ZFR2: variants seen among roughly 807,000 people sequenced by gnomAD.
ZFR2 encodes zinc finger RNA binding protein 2, also known as zinc finger RNA-binding protein 2.
In ZFR2, 104 loss-of-function variants were observed where a neutral mutation model predicts 105.7. The ratio of observed to expected loss-of-function variants is 0.98; its 90% CI spans 0.84 to 1.16. The LOEUF is 1.16. Ranked by LOEUF, ZFR2 falls within the 50% of genes most tolerant of loss-of-function variation. ZFR2 has a pLI of 0.00. For missense variants in ZFR2, 1,425 were observed against 1,355.5 expected, an observed-to-expected ratio of 1.05 and a Z score of -0.80; for synonymous variants, 634 against 597.7, an observed-to-expected ratio of 1.06 and a Z score of -0.89.
At chr19:3,864,550 G>T (rs569342863) in intron 1 of ZFR2, among the ~76,000 whole-genome samples, 1 of 152,326 alleles carries the variant, frequency 6.6e-6, no homozygotes, top group South Asian at 2.1e-4. Flanking sequence ...CAAAGAGAAA[G>T]GTAACGGCAG....
At chr19:3,832,960 A>G (rs1260167682) in intron 3 of ZFR2, among the ~76,000 whole-genome samples, 2 of 149,664 alleles carry the variant, frequency 1.3e-5, no homozygotes, top group African/African-American at 4.9e-5. Flanking sequence ...TTAACATGTA[A>G]CTTTCACGGG....
chr19:3,835,295 T>C (rs1191882516), intron 1 of ZFR2, among the ~76,000 whole-genome samples: 3 of 152,076 alleles, frequency 2.0e-5, no homozygotes, highest in Non-Finnish European at 4.4e-5. Context: ...GGCAGGGCTT[T>C]TTCTCCATGT....
At chr19:3,866,221 A>G (rs994644681) in intron 1 of ZFR2, among the ~76,000 whole-genome samples, 1 of 152,240 alleles carries the variant, frequency 6.6e-6, no homozygotes, top group Non-Finnish European at 1.5e-5. Context: ...GTTAACCTAA[A>G]GTCATTCAAA....
Position 3,808,534 on chromosome 19 carries a change from G to A in ZFR2, c.2545+338C>T, listed in dbSNP as rs537388647. On this transcript the variant is annotated intron_variant, in intron 17 of 18. Transcript: ENST00000262961. The stretch of plus-strand genomic sequence containing the variant: ...GGATAATCTTTGGAGGACAGGCACC[G>A]GGGTGGATTTGTGCCAGAGTGGCTC... 2.8e-4 allele frequency among the ~76,000 whole-genome samples: 42 copies of A among 152,388 alleles called. 1 individual carries two copies. In the South Asian group the frequency reaches 6.4e-3, roughly 23 times the overall value.
chr19:3,816,526 G>C lies in ZFR2; in HGVS notation c.2103+148C>G. ...CTCCCTAAGTGCTGGGATTACGGACGTGAGCCACTGCGCCTGGCTTAATGC... is the reference window on the plus strand; with the variant it reads ...CTCCCTAAGTGCTGGGATTACGGACCTGAGCCACTGCGCCTGGCTTAATGC... On this transcript the variant is annotated intron_variant, in intron 13 of 18. Coordinates refer to ENST00000262961, the MANE Select transcript of ZFR2 (RefSeq NM_015174.2). 5 of 1,268,626 alleles carry C rather than the reference G, an allele frequency of 3.9e-6. No individual in the cohort carries two copies. The South Asian group carries it at 8.8e-5, about 22-fold the overall frequency. The allele number at this position is 1,268,626 out of a possible 1,614,324, so 78.6% of individuals were successfully genotyped here. A position where few individuals can be genotyped will look rare whatever the true frequency, so the allele number is the denominator to read the frequency against.
Position 3,810,791 on chromosome 19 carries a change from G to A in ZFR2, c.2392C>T (p.Leu798Phe), listed in dbSNP as rs1485112564. 1 of 1,550,352 alleles carries A rather than the reference G, an allele frequency of 6.5e-7. No individual in the cohort carries two copies. Among genetic ancestry groups the A allele is most frequent in the Non-Finnish European group, 8.7e-7 (1 of 1,146,810 alleles). Residue 798 changes from leucine to phenylalanine, a missense_variant, in exon 16 of 19, where the codon CTC becomes TTC. By Grantham distance (22) the Leu-to-Phe change is conservative (BLOSUM62 0). Transcript: ENST00000262961. The part of the protein sequence containing the change: ...CVIVIRVLRD[L>F]CRRVPTWGAL... ...CCCCAGGTGGGCACACGCCGGCAGA[G>A]GTCCCTCAGGACCCTGATGACGATC...
chr19:3,817,362 C>T (rs1187007827), intron 12 of ZFR2, among the ~76,000 whole-genome samples: 1 of 151,858 alleles, frequency 6.6e-6, no homozygotes, highest in Non-Finnish European at 1.5e-5. Context: ...AGTTTGAGAC[C>T]AGCCTGACCA....
chr19:3,807,799 T>C (rs2037715811), intron 17 of ZFR2, among the ~76,000 whole-genome samples: 1 of 150,090 alleles, frequency 6.7e-6, no homozygotes, highest in African/African-American at 2.5e-5. Context: ...CGCCTGTGTG[T>C]GCAAGCATGT....
chr19:3,844,489 T>C (rs1162926298), intron 1 of ZFR2, among the ~76,000 whole-genome samples: 1 of 152,020 alleles, frequency 6.6e-6, no homozygotes, highest in Non-Finnish European at 1.5e-5. Context: ...TGTCTCGGCC[T>C]CCGGAGTATC....
At chr19:3,807,561 G>A (rs1455842413) in intron 17 of ZFR2, among the ~76,000 whole-genome samples, 1 of 152,146 alleles carries the variant, frequency 6.6e-6, no homozygotes, top group African/African-American at 2.4e-5. Context: ...GCTGACGTGT[G>A]TGTCCATGCG....
chr19:3,814,267 A>G (rs2037802605), intron 13 of ZFR2, among the ~76,000 whole-genome samples: 1 of 152,234 alleles, frequency 6.6e-6, no homozygotes, highest in Non-Finnish European at 1.5e-5. Flanking sequence ...AAAATTGGTG[A>G]GTGAAATAAC....
chr19:3,854,083 C>CA (rs1222754957), intron 1 of ZFR2, among the ~76,000 whole-genome samples: 5 of 146,006 alleles, frequency 3.4e-5, no homozygotes, highest in Non-Finnish European at 7.5e-5. Context: ...GACCCTGTCT[C>CA]AAAAAAACCA....
chr19:3,821,351 GT>G lies in ZFR2; in HGVS notation c.1619del (p.His540ProfsTer114). On this transcript the variant is annotated frameshift_variant, in exon 10 of 19. Coordinates refer to ENST00000262961, the MANE Select transcript of ZFR2 (RefSeq NM_015174.2). LOFTEE classifies it high-confidence loss of function. The part of the protein sequence containing the change: ...EERLEQLRRW[H>X]AERRRLEEEP... ...CCGCAGCCGGGCACCTCCTCTCCGCGTGCCAGCGCCGCAGCTGCTCCAGCCG... is the reference window on the plus strand; with the variant it reads ...CCGCAGCCGGGCACCTCCTCTCCGCGGCCAGCGCCGCAGCTGCTCCAGCCG... 6.3e-7 allele frequency: 1 copy of G among 1,598,754 alleles called. No individual in the cohort carries two copies. Among genetic ancestry groups the G allele is most frequent in the Non-Finnish European group, 8.5e-7 (1 of 1,174,510 alleles).
Position 3,822,280 on chromosome 19 carries a change from G to A in ZFR2, c.1372-80C>T, listed in dbSNP as rs370874040. Reference sequence around the variant, plus strand: ...GATGCTACCGCTGCCAGGTCGCGGCGGAGCCTTCCTCCTTGCTGCTCATTT... The same window carrying A: ...GATGCTACCGCTGCCAGGTCGCGGCAGAGCCTTCCTCCTTGCTGCTCATTT... On this transcript the variant is annotated intron_variant, in intron 8 of 18. Coordinates refer to ENST00000262961, the MANE Select transcript of ZFR2 (RefSeq NM_015174.2). 4.6e-3 allele frequency: 6,957 copies of A among 1,528,280 alleles called. 29 individuals are homozygous for A. The highest frequency in any genetic ancestry group is 4.9e-3 in the Non-Finnish European group (5,582 of 1,130,036). 94.7% of individuals were successfully genotyped at this position (1,528,280 alleles called of 1,614,324 possible).
At chr19:3,807,376 G>C (rs554768136) in intron 17 of ZFR2, 107 bp from the exon 18 acceptor site, 2 of 758,826 alleles carry the variant, frequency 2.6e-6, no homozygotes, top group South Asian at 1.7e-5. Flanking sequence ...CCGTGCATGG[G>C]GCTATACTTG....
rs1193402025 is a variant in ZFR2 at position 3,811,272 on chromosome 19, C to T, written c.2337G>A (p.Gln779=). ...CCTGCTCCACCCCTGCCCCCCTGACCTGAAACCACCTGGCATGACGGAGGG... is the reference window on the plus strand; with the variant it reads ...CCTGCTCCACCCCTGCCCCCCTGACTTGAAACCACCTGGCATGACGGAGGG... ...LAALRHARWF[Q]ARASGLQPCV... Residue 779 remains glutamine (Q), a splice_region_variant and synonymous_variant, in exon 15 of 19, where the codon CAG becomes CAA. Transcript: ENST00000262961. 2 of 1,587,128 alleles carry T rather than the reference C, an allele frequency of 1.3e-6. No homozygotes were observed. Among genetic ancestry groups the T allele is most frequent in the East Asian group, 2.3e-5 (1 of 43,432 alleles).
At chr19:3,862,691 C>T (rs975189315) in intron 1 of ZFR2, among the ~76,000 whole-genome samples, 3 of 152,202 alleles carry the variant, frequency 2.0e-5, no homozygotes, top group East Asian at 1.9e-4. Context: ...GAGCTCAGAC[C>T]GCAAGTCCTG....
chr19:3,831,589 A>G, intron 4 of ZFR2, 33 bp from the exon 5 acceptor site: 1 of 1,538,110 alleles, frequency 6.5e-7, no homozygotes, highest in Non-Finnish European at 8.8e-7. Context: ...AGTCGGGGGG[A>G]GATGCTGATT....
At chr19:3,815,727 G>A (rs1296698579) in intron 13 of ZFR2, among the ~76,000 whole-genome samples, 5 of 151,254 alleles carry the variant, frequency 3.3e-5, no homozygotes, top group Non-Finnish European at 7.4e-5. Flanking sequence ...GGGACCACAG[G>A]TACATGCCGC....
Sources: gnomAD v4.1 joint callset for allele counts (sites outside exome capture counted in the v4.1 genomes callset) on GRCh38, gnomAD v4.1.1 for gene constraint, MANE v1.5 for transcripts, NCBI Gene and HGNC (gene_info 2026-07-23, HGNC 2026-07-21) for gene names.